GRID2: variants seen among roughly 807,000 people sequenced by gnomAD.
GRID2 encodes the protein glutamate ionotropic receptor delta type subunit 2.
In GRID2, 33 loss-of-function variants were observed where a neutral mutation model predicts 114.8. The ratio of observed to expected loss-of-function variants is 0.29; its 90% CI spans 0.22 to 0.38. GRID2 has a LOEUF of 0.38. Ranked by LOEUF, GRID2 falls within the 10% of genes least tolerant of loss-of-function variation. The pLI, the probability that GRID2 is intolerant of heterozygous loss-of-function variation, is 1.00. For missense variants in GRID2, 1,184 were observed against 1,257.7 expected (o/e 0.94, Z 0.89); for synonymous variants, 505 against 449.9 (o/e 1.12, Z -1.55).
chr4:93,034,299 G>C (rs1159898302), intron 2 of GRID2, among the ~76,000 whole-genome samples: 5 of 152,160 alleles, frequency 3.3e-5, no homozygotes. Context: ...TGTGGGCAAG[G>C]CAGACAGTCT....
intron 12 of GRID2, 35 bp downstream of exon 12, chr4:93,490,812 T>A: frequency 6.7e-7 from 1 of 1,494,616 alleles, no homozygotes; most frequent in African/African-American, 1.4e-5. Flanking sequence ...CCACAAAATA[T>A]GAGAAATGAT....
chr4:92,339,745 C>G (rs1477909036), intron 1 of GRID2, among the ~76,000 whole-genome samples: 1 of 152,160 alleles, frequency 6.6e-6, no homozygotes, highest in African/African-American at 2.4e-5. Context: ...ATGGATCCTA[C>G]TGAATCTAGA....
chr4:93,200,038 G>A (rs1489149848), intron 4 of GRID2, among the ~76,000 whole-genome samples: 1 of 152,076 alleles, frequency 6.6e-6, no homozygotes, highest in Non-Finnish European at 1.5e-5. Context: ...TTTAGTTTTA[G>A]CAGAACTCTA....
At chr4:92,948,486 G>A (rs961925781) in intron 2 of GRID2, among the ~76,000 whole-genome samples, 1 of 151,718 alleles carries the variant, frequency 6.6e-6, no homozygotes, top group Non-Finnish European at 1.5e-5. Flanking sequence ...TAGATTTACA[G>A]ACATTTCTCT....
chr4:93,323,092 T>G (rs1247952539), intron 8 of GRID2, among the ~76,000 whole-genome samples: 1 of 152,164 alleles, frequency 6.6e-6, no homozygotes, highest in African/African-American at 2.4e-5. Context: ...TGCCATTGCT[T>G]TTGGTGTTTT....
At chr4:93,368,807 A>AT (rs1762588608) in intron 8 of GRID2, among the ~76,000 whole-genome samples, 1 of 152,218 alleles carries the variant, frequency 6.6e-6, no homozygotes, top group Admixed American at 6.5e-5. Context: ...CTGCAAAAGG[A>AT]AGAAGATAAC....
intron 2 of GRID2, among the ~76,000 whole-genome samples, chr4:92,940,905 C>G (rs1351977773): frequency 6.6e-6 from 1 of 152,098 alleles, no homozygotes; most frequent in African/African-American, 2.4e-5. Context: ...GCCTTGCATC[C>G]CACGGATGAA....
rs557309394 is a variant in GRID2, at chr4:93,592,172, C to T, written c.2194-34097C>T. Among the ~76,000 whole-genome samples the T allele has an allele frequency of 3.9e-5, 6 of 152,010 alleles. 1 individual carries two copies. In the South Asian group the frequency reaches 6.3e-4, roughly 16 times the overall value. On this transcript the variant is annotated intron_variant, in intron 13 of 15. Transcript: ENST00000282020. ...TTAGGGTGTCAATTTTAGATCTTTC[C>T]GGCTTTCTCTTGTGGGCATTTAGTG...
chr4:92,816,189 C>T (rs1481093591), intron 2 of GRID2, among the ~76,000 whole-genome samples: 4 of 151,196 alleles, frequency 2.6e-5, no homozygotes, highest in Admixed American at 6.6e-5. Context: ...GTGGCACATG[C>T]GTGCAATCCC....
rs759714204 is a variant in GRID2, at chr4:93,772,791, G to A, written c.*293G>A. The A allele has an allele frequency of 1.5e-4, 51 of 332,914 alleles. No homozygotes were observed. Among genetic ancestry groups the A allele is most frequent in the Non-Finnish European group, 2.4e-4 (44 of 183,540 alleles). 20.6% of individuals were successfully genotyped at this position (332,914 alleles called of 1,614,324 possible). Reference sequence around the variant, plus strand: ...CTGCTTTTCATATACTGTACATCAAGTATAGGAAATGTGCACTGAGTATAC... The same window carrying A: ...CTGCTTTTCATATACTGTACATCAAATATAGGAAATGTGCACTGAGTATAC... On this transcript the variant is annotated 3_prime_UTR_variant, in exon 16 of 16. Coordinates refer to ENST00000282020, the MANE Select transcript of GRID2 (RefSeq NM_001510.4).
chr4:93,049,243 A>G (rs1578847338), intron 2 of GRID2, among the ~76,000 whole-genome samples: 2 of 152,230 alleles, frequency 1.3e-5, no homozygotes, highest in South Asian at 4.1e-4. Flanking sequence ...ATACATTAAC[A>G]GTATGGTTTT....
chr4:93,359,718 T>A (rs1292518927), intron 8 of GRID2, among the ~76,000 whole-genome samples: 1 of 144,944 alleles, frequency 6.9e-6, no homozygotes, highest in African/African-American at 2.5e-5. Flanking sequence ...TCTCTGGGCT[T>A]GGCTATGGTA....
intron 2 of GRID2, among the ~76,000 whole-genome samples, chr4:92,598,085 C>A (rs750272337): frequency 6.6e-6 from 1 of 152,128 alleles, no homozygotes; most frequent in Admixed American, 6.6e-5. Context: ...ACTGAATAGT[C>A]TTTTGGGACT....
intron 1 of GRID2, among the ~76,000 whole-genome samples, chr4:92,583,668 TATAC>T (rs1560472139): frequency 1.5e-5 from 2 of 134,914 alleles, no homozygotes; most frequent in African/African-American, 5.5e-5. Flanking sequence ...TATATATATA[TATAC>T]ACACACATAC....
intron 3 of GRID2, among the ~76,000 whole-genome samples, chr4:93,099,820 T>C (rs1254057655): frequency 6.6e-6 from 1 of 151,960 alleles, no homozygotes; most frequent in Non-Finnish European, 1.5e-5. Flanking sequence ...TCCTCATGAA[T>C]GCATTCCTAA....
intron 8 of GRID2, among the ~76,000 whole-genome samples, chr4:93,338,980 A>G (rs942546721): frequency 2.0e-5 from 3 of 152,144 alleles, no homozygotes; most frequent in African/African-American, 7.2e-5. Context: ...TTCTTGAATC[A>G]CTTGCTTTAG....
At chr4:92,875,160 T>G (rs903942472) in intron 2 of GRID2, among the ~76,000 whole-genome samples, 2 of 144,066 alleles carry the variant, frequency 1.4e-5, no homozygotes, top group African/African-American at 2.6e-5. Context: ...TTTTTTTTTT[T>G]TTTTTTTTTT....
In GRID2 at chr4:92,612,362, A is replaced by C. The variant is rs148554425; in HGVS notation, c.244+22076A>C. On this transcript the variant is annotated intron_variant, in intron 2 of 15. Transcript: ENST00000282020. ...AGTACCATATTGTAGCTTTATGGCA[A>C]GTTTTGAAATCTTGAACTGTAAGTT... 4.2e-3 allele frequency among the ~76,000 whole-genome samples: 640 copies of C among 151,580 alleles called. 5 individuals carry two copies. Among genetic ancestry groups the C allele is most frequent in the African/African-American group, 0.015 (608 of 41,470 alleles).
At chr4:93,760,879 C>G (rs1733149818) in intron 14 of GRID2, among the ~76,000 whole-genome samples, 1 of 152,144 alleles carries the variant, frequency 6.6e-6, no homozygotes, top group African/African-American at 2.4e-5. Context: ...ACTTCAGGCT[C>G]AAGCTCCCAT....
Sources: allele counts gnomAD v4.1 joint callset (sites outside exome capture counted in the v4.1 genomes callset), GRCh38; gene constraint gnomAD v4.1.1; transcripts MANE v1.5; gene names NCBI Gene and HGNC (gene_info 2026-07-23, HGNC 2026-07-21).